The following MACROD2 variants were observed in gnomAD, a reference collection of about 807,000 sequenced individuals.
MACROD2 encodes mono-ADP ribosylhydrolase 2.
A neutral mutation model predicts 70.4 loss-of-function variants in MACROD2; 36 were observed. That is an observed-to-expected ratio of 0.51 (90% CI 0.39 to 0.68). MACROD2 has a LOEUF of 0.68. Ranked by LOEUF, MACROD2 falls within the 30% of genes least tolerant of loss-of-function variation. The probability of loss-of-function intolerance (pLI) is 0.00; values close to 1 mark genes in which losing one functional copy is unlikely to be tolerated. For synonymous variants in MACROD2, 172 were observed against 178.8 expected (o/e 0.96, Z 0.30); for missense variants, 496 against 538.4 (o/e 0.92, Z 0.78).
chr20:14,085,661 G>C lies in MACROD2; in HGVS notation c.204G>C (p.Leu68Phe), dbSNP rs1302923853. Residue 68 changes from leucine to phenylalanine, a missense_variant, in exon 3 of 18, where the codon TTG becomes TTC. Physicochemically the swap from Leu to Phe is conservative, Grantham distance 22. Coordinates refer to ENST00000684519, the MANE Select transcript of MACROD2 (RefSeq NM_001351661.2). ...TQETSQVKKS[L>F]TEKVSLYRGD... The stretch of plus-strand genomic sequence containing the variant: ...AAACATCCCAGGTGAAGAAAAGTTT[G>C]ACTGAAAAAGTTTCTCTCTATAGAG... 4 of 1,581,736 alleles carry C rather than the reference G, an allele frequency of 2.5e-6. No individual in the cohort carries two copies. The highest frequency in any genetic ancestry group is 3.4e-6 in the Non-Finnish European group (4 of 1,163,412).
intron 4 of MACROD2, among the ~76,000 whole-genome samples, chr20:14,670,061 C>T (rs1172538804): frequency 2.6e-5 from 4 of 151,918 alleles, no homozygotes; most frequent in African/African-American, 9.7e-5. Context: ...AAGTAAATTT[C>T]CCAGTTGTTT....
At chr20:14,252,890 A>G (rs1459576921) in intron 3 of MACROD2, among the ~76,000 whole-genome samples, 1 of 152,064 alleles carries the variant, frequency 6.6e-6, no homozygotes, top group East Asian at 1.9e-4. Context: ...TTTTTCTTTT[A>G]TCATGGTAAA....
chr20:15,009,817 A>C (rs2075068211), intron 5 of MACROD2, among the ~76,000 whole-genome samples: 1 of 127,334 alleles, frequency 7.9e-6, no homozygotes, highest in Admixed American at 8.2e-5. Context: ...GTTTCGGCTT[A>C]GTTATGGATT....
intron 5 of MACROD2, among the ~76,000 whole-genome samples, chr20:15,199,691 C>T (rs1005891291): frequency 4.1e-5 from 6 of 147,538 alleles, no homozygotes; most frequent in Non-Finnish European, 7.5e-5. Context: ...ATTCATTTGT[C>T]ATATTTGCTT....
intron 5 of MACROD2, among the ~76,000 whole-genome samples, chr20:15,077,856 C>T (rs755069190): frequency 9.9e-5 from 15 of 152,058 alleles, no homozygotes; most frequent in South Asian, 2.1e-4. Flanking sequence ...CCCACTGCAG[C>T]GGCAGCAGTT....
chr20:14,082,931 C>CA (rs2054018476), intron 2 of MACROD2, among the ~76,000 whole-genome samples: 1 of 152,082 alleles, frequency 6.6e-6, no homozygotes, highest in African/African-American at 2.4e-5. Context: ...ACTTGTGGCT[C>CA]AGAGTCCTTG....
At chr20:14,592,525 G>T (rs190943666) in intron 4 of MACROD2, among the ~76,000 whole-genome samples, 13 of 152,248 alleles carry the variant, frequency 8.5e-5, no homozygotes, top group African/African-American at 3.1e-4. Context: ...CTGGGCTCAA[G>T]TGATCCTCCT....
intron 3 of MACROD2, among the ~76,000 whole-genome samples, chr20:14,203,849 C>T (rs567936671): frequency 6.6e-6 from 1 of 152,236 alleles, no homozygotes; most frequent in East Asian, 1.9e-4. Context: ...GTGGGCCAGT[C>T]CTTGGGCCTC....
chr20:14,427,311 G>C (rs1275975040), intron 3 of MACROD2, among the ~76,000 whole-genome samples: 1 of 151,828 alleles, frequency 6.6e-6, no homozygotes, highest in Non-Finnish European at 1.5e-5. Context: ...TTTGACATCT[G>C]TGAAGATTTG....
At chr20:15,989,727 A>G (rs1395934114) in intron 15 of MACROD2, among the ~76,000 whole-genome samples, 1 of 152,140 alleles carries the variant, frequency 6.6e-6, no homozygotes, top group Non-Finnish European at 1.5e-5. Context: ...AACAAAACAA[A>G]TGAGTATTTT....
intron 8 of MACROD2, among the ~76,000 whole-genome samples, chr20:15,516,636 G>T (rs1344123711): frequency 1.3e-5 from 2 of 152,038 alleles, no homozygotes; most frequent in Non-Finnish European, 2.9e-5. Flanking sequence ...GTTTTTCCTG[G>T]GGCTTTTTCT....
At chr20:14,378,580 C>A (rs914433637) in intron 3 of MACROD2, among the ~76,000 whole-genome samples, 1 of 152,166 alleles carries the variant, frequency 6.6e-6, no homozygotes, top group Non-Finnish European at 1.5e-5. Flanking sequence ...TAACCTGTGT[C>A]TCAAAGTCTT....
intron 5 of MACROD2, among the ~76,000 whole-genome samples, chr20:14,915,251 T>C (rs2074077514): frequency 6.6e-6 from 1 of 152,320 alleles, no homozygotes; most frequent in Middle Eastern, 3.4e-3. Context: ...AAAGTATGCA[T>C]GTGGAAACCT....
At chr20:14,142,667 C>T (rs573537699) in intron 3 of MACROD2, among the ~76,000 whole-genome samples, 1 of 152,270 alleles carries the variant, frequency 6.6e-6, no homozygotes, top group South Asian at 2.1e-4. Context: ...TTAAACTTGC[C>T]ACTGCCTTTA....
chr20:14,645,876 C>G (rs1299147297), intron 4 of MACROD2, among the ~76,000 whole-genome samples: 1 of 151,820 alleles, frequency 6.6e-6, no homozygotes, highest in Non-Finnish European at 1.5e-5. Flanking sequence ...ATAAAAAACT[C>G]CATTTACAGA....
In MACROD2 at chr20:15,021,103, C is replaced by CACAT. The variant is rs1292600056; in HGVS notation, c.419-208835_419-208834insATAC. 1.1e-3 allele frequency among the ~76,000 whole-genome samples: 134 copies of CACAT among 126,080 alleles called. 7 individuals are homozygous for CACAT. The highest frequency in any genetic ancestry group is 3.2e-3 in the Admixed American group (43 of 13,338). 82.7% of individuals were successfully genotyped at this position (126,080 alleles called of 152,430 possible). A position where few individuals can be genotyped will look rare whatever the true frequency, so the allele number is the denominator to read the frequency against. ...ATGTGTATACACGTGTATGTGTATA[C>CACAT]ACGTGTATGTGTATACACGTGTGTA... On this transcript the variant is annotated intron_variant, in intron 5 of 17. Transcript: ENST00000684519.
chr20:15,045,731 T>TG lies in MACROD2; in HGVS notation c.419-184209_419-184208insG, dbSNP rs1334687969. Among the ~76,000 whole-genome samples the TG allele has an allele frequency of 1.4e-4, 20 of 146,720 alleles. No homozygotes were observed. In the East Asian group the frequency reaches 2.8e-3, roughly 20 times the overall value. On this transcript the variant is annotated intron_variant, in intron 5 of 17. Transcript: ENST00000684519. ...TCTCCAGACCAGGGTTTTTTTTTTT[T>TG]TTTTTTTTTTTTTCCCTTTCTGATA...
chr20:14,755,387 G>T (rs146210820), intron 5 of MACROD2, among the ~76,000 whole-genome samples: 13 of 152,154 alleles, frequency 8.5e-5, no homozygotes, highest in Non-Finnish European at 1.5e-4. Context: ...ATGTACTTTA[G>T]AATGCCATGT....
At chr20:14,315,476 G>A (rs2082604926) in intron 3 of MACROD2, among the ~76,000 whole-genome samples, 1 of 152,150 alleles carries the variant, frequency 6.6e-6, no homozygotes, top group South Asian at 2.1e-4. Flanking sequence ...TTACAAGTTG[G>A]AAAGATTTAG....
Sources: allele counts gnomAD v4.1 joint callset (sites outside exome capture counted in the v4.1 genomes callset), GRCh38; gene constraint gnomAD v4.1.1; transcripts MANE v1.5; gene names NCBI Gene and HGNC (gene_info 2026-07-23, HGNC 2026-07-21).